The following DLG5 variants were observed in gnomAD, a reference collection of about 807,000 sequenced individuals.
DLG5 encodes the protein disks large homolog 5.
In DLG5, 48 loss-of-function variants were observed where a neutral mutation model predicts 189.8. The observed-to-expected ratio is 0.25, with a 90% CI of 0.20 to 0.32. DLG5 has a LOEUF of 0.32. Among genes scored for constraint, DLG5 ranks in the 10% least tolerant of loss-of-function variants. The pLI is 1.00. For synonymous variants in DLG5, 1,016 were observed against 1,054.1 expected, an observed-to-expected ratio of 0.96 and a Z score of 0.70; for missense variants, 2,160 against 2,544.7, an observed-to-expected ratio of 0.85 and a Z score of 3.25.
intron 9 of DLG5, among the ~76,000 whole-genome samples, chr10:77,831,771 G>A (rs561375254): frequency 6.6e-5 from 10 of 152,124 alleles, no homozygotes; most frequent in Non-Finnish European, 1.2e-4. Flanking sequence ...ACTTAACCTC[G>A]GATAAAAGTT....
chr10:77,908,791 G>A (rs1313793589), intron 1 of DLG5, among the ~76,000 whole-genome samples: 1 of 151,968 alleles, frequency 6.6e-6, no homozygotes, highest in African/African-American at 2.4e-5. Flanking sequence ...AACTCCTGGG[G>A]GGTGGGGGGA....
At chr10:77,896,609 G>A (rs1845766265) in intron 1 of DLG5, among the ~76,000 whole-genome samples, 1 of 148,408 alleles carries the variant, frequency 6.7e-6, no homozygotes, top group Non-Finnish European at 1.5e-5. Context: ...GGGAGGCCAA[G>A]GGGGGGTGGA....
intron 1 of DLG5, among the ~76,000 whole-genome samples, chr10:77,888,874 C>T (rs769081463): frequency 2.6e-5 from 4 of 152,154 alleles, no homozygotes; most frequent in Non-Finnish European, 5.9e-5. Flanking sequence ...GACGAAGACA[C>T]CCCCATCAAG....
At chr10:77,922,014 C>A (rs1002750997) in intron 1 of DLG5, among the ~76,000 whole-genome samples, 1 of 152,112 alleles carries the variant, frequency 6.6e-6, no homozygotes, top group Admixed American at 6.6e-5. Context: ...TGTAGCATAC[C>A]GAGTTTTTTA....
intron 4 of DLG5, 128 bp downstream of exon 4, chr10:77,854,099 C>A: frequency 8.1e-7 from 1 of 1,229,670 alleles, no homozygotes; most frequent in Non-Finnish European, 1.1e-6. Context: ...CTGCTGTAGG[C>A]AGACTGCTTG....
chr10:77,815,082 G>T (rs1375808586), intron 20 of DLG5, among the ~76,000 whole-genome samples: 2 of 151,996 alleles, frequency 1.3e-5, no homozygotes, highest in African/African-American at 4.8e-5. Flanking sequence ...GCCCTGTGGG[G>T]AGCTAAGGGA....
intron 2 of DLG5, among the ~76,000 whole-genome samples, chr10:77,863,394 T>C (rs1844548994): frequency 6.6e-6 from 1 of 152,170 alleles, no homozygotes; most frequent in South Asian, 2.1e-4. Flanking sequence ...CAACCACACC[T>C]AGCCTATTTT....
chr10:77,797,511 G>A (rs1471150327), intron 27 of DLG5, among the ~76,000 whole-genome samples: 2 of 152,180 alleles, frequency 1.3e-5, no homozygotes, highest in African/African-American at 2.4e-5. Context: ...CAGGAGCGGC[G>A]GGCTTCAGTA....
chr10:77,908,677 T>A (rs1448821173), intron 1 of DLG5, among the ~76,000 whole-genome samples: 1 of 152,124 alleles, frequency 6.6e-6, no homozygotes, highest in Admixed American at 6.5e-5. Flanking sequence ...CAGCTCACCA[T>A]ACACCCTCCT....
intron 7 of DLG5, among the ~76,000 whole-genome samples, chr10:77,839,577 C>G (rs1843319761): frequency 6.6e-6 from 1 of 152,204 alleles, no homozygotes; most frequent in Middle Eastern, 3.2e-3. Flanking sequence ...AGGCGTGTGT[C>G]TGACATTCTG....
chr10:77,921,639 G>C (rs1047302464), intron 1 of DLG5, among the ~76,000 whole-genome samples: 5 of 152,102 alleles, frequency 3.3e-5, no homozygotes, highest in East Asian at 1.9e-4. Flanking sequence ...CAGCCTGTGC[G>C]GTCCAGCCTA....
chr10:77,812,720 G>T (rs570477886), intron 20 of DLG5, among the ~76,000 whole-genome samples: 3 of 152,218 alleles, frequency 2.0e-5, no homozygotes, highest in Non-Finnish European at 4.4e-5. Flanking sequence ...AACTCTGGGG[G>T]GTCTTGAGAT....
At chr10:77,893,977 G>C (rs1845685522) in intron 1 of DLG5, among the ~76,000 whole-genome samples, 1 of 152,210 alleles carries the variant, frequency 6.6e-6, no homozygotes, top group African/African-American at 2.4e-5. Context: ...CTCAGAACCA[G>C]AGCCAGTGGA....
chr10:77,915,935 A>C (rs553598678), intron 1 of DLG5, among the ~76,000 whole-genome samples: 2 of 152,322 alleles, frequency 1.3e-5, no homozygotes, highest in East Asian at 1.9e-4. Context: ...TTGTTTGGTT[A>C]ATGTCTGGCC....
intron 2 of DLG5, 98 bp from the exon 3 acceptor site, chr10:77,856,990 A>AC: frequency 8.2e-7 from 1 of 1,214,782 alleles, no homozygotes; most frequent in South Asian, 1.5e-5. Context: ...GCTATTCGTG[A>AC]CCCAACAAGT....
At chr10:77,841,324 C>A (rs1185246045) in intron 7 of DLG5, among the ~76,000 whole-genome samples, 1 of 152,218 alleles carries the variant, frequency 6.6e-6, no homozygotes, top group African/African-American at 2.4e-5. Context: ...GCCCCCCAAC[C>A]CTGGAGGTGT....
chr10:77,863,573 A>G (rs1844557102), intron 2 of DLG5, among the ~76,000 whole-genome samples: 1 of 152,182 alleles, frequency 6.6e-6, no homozygotes, highest in African/African-American at 2.4e-5. Context: ...TTGTCAACAA[A>G]AGCCTCCAAA....
At chr10:77,904,984 C>G (rs1035889402) in intron 1 of DLG5, among the ~76,000 whole-genome samples, 1 of 151,858 alleles carries the variant, frequency 6.6e-6, no homozygotes, top group Non-Finnish European at 1.5e-5. Context: ...CAAAAATTAG[C>G]CGGGTGTGGT....
intron 20 of DLG5, among the ~76,000 whole-genome samples, chr10:77,812,965 G>A (rs897619146): frequency 5.3e-5 from 8 of 152,238 alleles, no homozygotes; most frequent in South Asian, 4.1e-4. Context: ...GCAGGGGCTC[G>A]GCAGGGAGCC....
Sources: allele counts gnomAD v4.1 joint callset (sites outside exome capture counted in the v4.1 genomes callset), GRCh38; gene constraint gnomAD v4.1.1; transcripts MANE v1.5; gene names NCBI Gene and HGNC (gene_info 2026-07-23, HGNC 2026-07-21).